The following ANO4 variants were observed in gnomAD, a reference collection of about 807,000 sequenced individuals.
ANO4 encodes anoctamin 4.
ANO4 carries 69 observed loss-of-function variants against 141.9 expected under a neutral mutation model. The ratio of observed to expected loss-of-function variants is 0.49; its 90% confidence interval spans 0.40 to 0.59. The LOEUF is 0.59. Among genes scored for constraint, ANO4 ranks in the 20% least tolerant of loss-of-function variants. The pLI is 0.00. For synonymous variants in ANO4, 350 were observed against 394.3 expected (o/e 0.89, Z 1.33); for missense variants, 894 against 1,162.2 (o/e 0.77, Z 3.36).
At chr12:101,017,454 G>A (rs896554110) in intron 8 of ANO4, among the ~76,000 whole-genome samples, 5 of 152,314 alleles carry the variant, frequency 3.3e-5, no homozygotes, top group South Asian at 2.1e-4. Flanking sequence ...GCATTTCAGA[G>A]TGAGGGCATG....
At chr12:100,941,281 A>G (rs1250441823) in intron 4 of ANO4, among the ~76,000 whole-genome samples, 2 of 151,826 alleles carry the variant, frequency 1.3e-5, no homozygotes, top group East Asian at 1.9e-4. Context: ...TTTCAATCCC[A>G]TACCTCTACC....
intron 3 of ANO4, among the ~76,000 whole-genome samples, chr12:100,757,130 G>A (rs2032647314): frequency 6.6e-6 from 1 of 152,148 alleles, no homozygotes; most frequent in African/African-American, 2.4e-5. Flanking sequence ...AAAAATTGGT[G>A]AATGTACCCA....
intron 10 of ANO4, 114 bp from the exon 11 acceptor site, chr12:101,039,841 C>A: frequency 1.7e-6 from 2 of 1,202,686 alleles, no homozygotes; most frequent in South Asian, 3.3e-5. Context: ...GGATTCATTT[C>A]TTTCTCATAC....
chr12:100,963,037 G>T (rs1397345586), intron 5 of ANO4, among the ~76,000 whole-genome samples: 3 of 152,176 alleles, frequency 2.0e-5, no homozygotes, highest in Non-Finnish European at 2.9e-5. Context: ...CTAAGAGGAT[G>T]ATTGTGCCAT....
intron 3 of ANO4, among the ~76,000 whole-genome samples, chr12:100,933,622 T>C (rs551950784): frequency 5.9e-5 from 9 of 152,356 alleles, no homozygotes; most frequent in African/African-American, 2.2e-4. Flanking sequence ...TATAATCCTT[T>C]AGGTGTATAC....
chr12:101,041,490 A>G (rs1467243765), intron 11 of ANO4, among the ~76,000 whole-genome samples: 1 of 152,256 alleles, frequency 6.6e-6, no homozygotes, highest in East Asian at 1.9e-4. Context: ...TGCTGTAGGC[A>G]GCACATTTCC....
intron 3 of ANO4, among the ~76,000 whole-genome samples, chr12:100,922,772 A>C (rs1347493518): frequency 6.6e-6 from 1 of 152,128 alleles, no homozygotes; most frequent in Non-Finnish European, 1.5e-5. Flanking sequence ...GAGTATCTGG[A>C]GTCATTGATG....
chr12:100,922,727 G>T (rs1223850082), intron 3 of ANO4, among the ~76,000 whole-genome samples: 1 of 152,060 alleles, frequency 6.6e-6, no homozygotes, highest in Admixed American at 6.6e-5. Context: ...AATGTTAGTG[G>T]AGCAAGGTGA....
intron 3 of ANO4, among the ~76,000 whole-genome samples, chr12:100,934,452 T>C (rs1592760854): frequency 6.6e-6 from 1 of 152,180 alleles, no homozygotes; most frequent in Non-Finnish European, 1.5e-5. Context: ...GTTCCATTGG[T>C]CTATATTTTG....
At chr12:100,950,721 C>G (rs759333201) in intron 5 of ANO4, among the ~76,000 whole-genome samples, 12 of 152,166 alleles carry the variant, frequency 7.9e-5, no homozygotes, top group Non-Finnish European at 1.5e-4. Flanking sequence ...CACGGGCCCC[C>G]ACGTCAGTCA....
chr12:100,894,166 C>T (rs1269768504), intron 1 of ANO4, among the ~76,000 whole-genome samples: 1 of 152,088 alleles, frequency 6.6e-6, no homozygotes, highest in Admixed American at 6.6e-5. Context: ...GAAAGTTCTT[C>T]CTGGTTTTGA....
chr12:100,875,191 G>A (rs994480127), intron 1 of ANO4, among the ~76,000 whole-genome samples: 1 of 152,176 alleles, frequency 6.6e-6, no homozygotes, highest in Non-Finnish European at 1.5e-5. Flanking sequence ...AATCCTCAGT[G>A]TTGGAGGAGG....
chr12:100,904,654 G>A (rs540066734), intron 2 of ANO4, among the ~76,000 whole-genome samples: 1 of 152,222 alleles, frequency 6.6e-6, no homozygotes, highest in East Asian at 1.9e-4. Flanking sequence ...AACTCAGTGA[G>A]GTTGTAGGGA....
intron 3 of ANO4, among the ~76,000 whole-genome samples, chr12:100,764,398 C>A (rs1475442132): frequency 1.3e-5 from 2 of 152,114 alleles, no homozygotes; most frequent in African/African-American, 4.8e-5. Context: ...CCTCAGAGTT[C>A]TAAGAAAACT....
At chr12:100,742,999 A>T (rs1301142866) in intron 3 of ANO4, among the ~76,000 whole-genome samples, 2 of 152,102 alleles carry the variant, frequency 1.3e-5, no homozygotes, top group African/African-American at 2.4e-5. Flanking sequence ...CCATCTATCC[A>T]TCCATCCACT....
intron 8 of ANO4, among the ~76,000 whole-genome samples, chr12:100,996,079 T>C (rs941186443): frequency 6.6e-5 from 10 of 152,250 alleles, no homozygotes; most frequent in African/African-American, 1.9e-4. Flanking sequence ...TTCTGCTAAC[T>C]GATAATCTAT....
At chr12:100,758,844 C>G (rs2032731134) in intron 3 of ANO4, among the ~76,000 whole-genome samples, 1 of 152,098 alleles carries the variant, frequency 6.6e-6, no homozygotes, top group Non-Finnish European at 1.5e-5. Flanking sequence ...TCCTGGAATT[C>G]TTTGGTTTGT....
At chr12:100,908,010 G>C (rs2040924118) in intron 2 of ANO4, among the ~76,000 whole-genome samples, 1 of 152,090 alleles carries the variant, frequency 6.6e-6, no homozygotes, top group African/African-American at 2.4e-5. Context: ...TATCAACATG[G>C]GCTAATTCAG....
chr12:100,941,850 A>G (rs1038849947), intron 4 of ANO4, among the ~76,000 whole-genome samples: 1 of 151,758 alleles, frequency 6.6e-6, no homozygotes, highest in Non-Finnish European at 1.5e-5. Context: ...GTATTTTTAG[A>G]TGTTTTACAT....
Sources: gnomAD v4.1 joint callset for allele counts (sites outside exome capture counted in the v4.1 genomes callset) on GRCh38, gnomAD v4.1.1 for gene constraint, MANE v1.5 for transcripts, NCBI Gene and HGNC (gene_info 2026-07-23, HGNC 2026-07-21) for gene names.